The following VWA3B variants were observed in gnomAD, a reference collection of about 807,000 sequenced individuals.
VWA3B encodes the protein von Willebrand factor A domain containing 3B, also known as von Willebrand factor A domain-containing protein 3B.
In VWA3B, 138 loss-of-function variants were observed where a neutral mutation model predicts 158.3. The ratio of observed to expected loss-of-function variants is 0.87; its 90% confidence interval spans 0.76 to 1.00. The LOEUF is 1.00. Among genes scored for constraint, VWA3B ranks in the 50% least tolerant of loss-of-function variants. The pLI, the probability that VWA3B is intolerant of heterozygous loss-of-function variation, is 0.00. For missense variants in VWA3B, 1,555 were observed against 1,565.1 expected (o/e 0.99, Z 0.11); for synonymous variants, 596 against 587.3 (o/e 1.01, Z -0.21).
chr2:98,289,624 T>C lies in VWA3B; in HGVS notation c.3046-887T>C, dbSNP rs1408697879. Among the ~76,000 whole-genome samples, 31 of 152,210 alleles carry C rather than the reference T, an allele frequency of 2.0e-4. 1 individual carries two copies. Among genetic ancestry groups the C allele is most frequent in the Admixed American group, 2.0e-3 (31 of 15,278 alleles). ...GACAGCGATCATAAAGGTTCTCCTTTGTCCTGAAGAGGTGGGCTGGGATAT... is the reference window on the plus strand; with the variant it reads ...GACAGCGATCATAAAGGTTCTCCTTCGTCCTGAAGAGGTGGGCTGGGATAT... On this transcript the variant is annotated intron_variant, in intron 22 of 27. Transcript: ENST00000477737.
intron 23 of VWA3B, chr2:98,290,839 T>C: frequency 2.2e-6 from 1 of 459,356 alleles, no homozygotes; most frequent in Non-Finnish European, 3.9e-6. Flanking sequence ...ATGCACTTAT[T>C]TTAATTTCTC....
chr2:98,288,422 G>A (rs1354078375), intron 22 of VWA3B, among the ~76,000 whole-genome samples: 1 of 152,134 alleles, frequency 6.6e-6, no homozygotes, highest in African/African-American at 2.4e-5. Flanking sequence ...GGTAATCTGG[G>A]ACTTGGGCAA....
At chr2:98,194,097 T>C (rs1045964607) in intron 11 of VWA3B, among the ~76,000 whole-genome samples, 7 of 152,208 alleles carry the variant, frequency 4.6e-5, no homozygotes, top group African/African-American at 1.7e-4. Context: ...ACATTATATA[T>C]ATAAACTTTT....
rs577009427 is a variant in VWA3B, at chr2:98,116,748, C to T, written c.291+1002C>T. On this transcript the variant is annotated intron_variant, in intron 3 of 27. Coordinates refer to ENST00000477737, the MANE Select transcript of VWA3B (RefSeq NM_144992.5). ...CTTGAACTCCTAAGCTCAAGCAATC[C>T]GCCTGCCTGGGCCTCCCATCTGCCT... is the stretch of plus-strand genomic sequence containing the variant. Among the ~76,000 whole-genome samples, 88 of 152,312 alleles carry T rather than the reference C, an allele frequency of 5.8e-4. No homozygotes were observed. In the South Asian group the frequency reaches 0.013, roughly 22 times the overall value.
intron 8 of VWA3B, among the ~76,000 whole-genome samples, chr2:98,178,292 A>G (rs760234615): frequency 6.6e-6 from 1 of 152,184 alleles, no homozygotes; most frequent in Non-Finnish European, 1.5e-5. Context: ...CTTTTGATGC[A>G]AGGTTGGTTT....
rs1198884738 is a variant in VWA3B at position 98,128,060 on chromosome 2, G to A, written c.703-179G>A. 4 of 665,482 alleles carry A rather than the reference G, an allele frequency of 6.0e-6. No homozygotes were observed. The East Asian group carries it at 1.0e-4, about 17-fold the overall frequency. The allele number at this position is 665,482 out of a possible 1,614,324, so 41.2% of individuals were successfully genotyped here. A position where few individuals can be genotyped will look rare whatever the true frequency, so the allele number is the denominator to read the frequency against. The stretch of plus-strand genomic sequence containing the variant: ...TGTTGACAGACCTTCCTGGTACCAA[G>A]CCTTGAATATCTCACTTCCTGACTG... On this transcript the variant is annotated intron_variant, in intron 5 of 27. Coordinates refer to ENST00000477737, the MANE Select transcript of VWA3B (RefSeq NM_144992.5).
chr2:98,174,667 A>T (rs534143376), intron 8 of VWA3B, among the ~76,000 whole-genome samples: 2 of 152,268 alleles, frequency 1.3e-5, no homozygotes, highest in Admixed American at 1.3e-4. Flanking sequence ...TATTCCTGGG[A>T]ATCTATCATG....
chr2:98,167,959 C>A (rs1679230330), intron 8 of VWA3B, among the ~76,000 whole-genome samples: 1 of 152,164 alleles, frequency 6.6e-6, no homozygotes, highest in Non-Finnish European at 1.5e-5. Flanking sequence ...ATGAAAAGAA[C>A]AAACTATTTC....
In VWA3B at chr2:98,210,157, C is replaced by A. The variant is rs1277358434; in HGVS notation, c.1738-1773C>A. On this transcript the variant is annotated intron_variant, in intron 12 of 27. Coordinates refer to ENST00000477737, the MANE Select transcript of VWA3B (RefSeq NM_144992.5). ...AACATTACTCCCATCGTTTTCCTGG[C>A]CCCTCTCCTCCTATGGGCTTTACAG... Among the ~76,000 whole-genome samples, 3 of 152,172 alleles carry A rather than the reference C, an allele frequency of 2.0e-5. No homozygotes were observed. The East Asian group carries it at 5.8e-4, about 29-fold the overall frequency.
At position 98,256,272 on chromosome 2, in the gene VWA3B, A is replaced by G. The variant is rs1687137924; in HGVS notation, c.2843+98A>G. 4 of 1,335,514 alleles carry G rather than the reference A, an allele frequency of 3.0e-6. No homozygotes were observed. In the Admixed American group the frequency reaches 9.2e-5, roughly 31 times the overall value. 82.7% of individuals were successfully genotyped at this position (1,335,514 alleles called of 1,614,324 possible). A position where few individuals can be genotyped will look rare whatever the true frequency, so the allele number is the denominator to read the frequency against. ...AGTGTACAATGCAGAGGTATTTAAA[A>G]TATTCAAAATGTTCTGCAAACCACT... On this transcript the variant is annotated intron_variant, in intron 21 of 27. Coordinates refer to ENST00000477737, the MANE Select transcript of VWA3B (RefSeq NM_144992.5).
downstream of VWA3B, among the ~76,000 whole-genome samples, chr2:98,314,643 C>T (rs1419066202): frequency 2.0e-5 from 3 of 152,160 alleles, no homozygotes; most frequent in African/African-American, 7.2e-5. Flanking sequence ...CATCATCCAA[C>T]AAGGTACAAT....
intron 12 of VWA3B, among the ~76,000 whole-genome samples, chr2:98,196,384 TTTTA>T (rs1400163507): frequency 3.9e-5 from 6 of 152,212 alleles, no homozygotes; most frequent in Admixed American, 2.0e-4. Context: ...ATATATACAA[TTTTA>T]TTTGTCAATT....
At position 98,230,174 on chromosome 2, in the gene VWA3B, C is replaced by G. The variant is rs763020533; in HGVS notation, c.2275C>G (p.Gln759Glu). Residue 759 changes from glutamine (Q) to glutamate (E), a missense_variant, in exon 16 of 28, where the codon CAA becomes GAA. Coordinates refer to ENST00000477737, the MANE Select transcript of VWA3B (RefSeq NM_144992.5). ...MLKGPWGLSD[Q>E]KVQKKKVLHA... is the part of the protein sequence containing the mutation. ...GAAGGGACCATGGGGCCTTTCAGAT[C>G]AAAAGGTTCAGAAAAAGAAAGTCCT... 2.5e-6 allele frequency: 4 copies of G among 1,589,122 alleles called. No individual in the cohort carries two copies. Among genetic ancestry groups the G allele is most frequent in the Non-Finnish European group, 2.6e-6 (3 of 1,173,358 alleles).
intron 13 of VWA3B, chr2:98,216,630 G>A (rs960725205): frequency 2.2e-6 from 1 of 450,422 alleles, no homozygotes; most frequent in African/African-American, 2.0e-5. Flanking sequence ...CTGCACAGCT[G>A]TTTAGACTCA....
chr2:98,321,038 G>T, the VWA3B span, among the ~76,000 whole-genome samples: 330 of 152,312 alleles, frequency 2.2e-3, 1 homozygote, highest in African/African-American at 7.4e-3. Flanking sequence ...TTCAAACAGG[G>T]TGCTCTGCAT....
intron 7 of VWA3B, among the ~76,000 whole-genome samples, chr2:98,161,285 A>C (rs963205166): frequency 6.6e-6 from 1 of 152,238 alleles, no homozygotes; most frequent in African/African-American, 2.4e-5. Context: ...TTAGGGTTGC[A>C]GTATACCCAG....
At chr2:98,320,961 C>T in the VWA3B span, among the ~76,000 whole-genome samples, 2 of 152,294 alleles carry the variant, frequency 1.3e-5, no homozygotes, top group East Asian at 3.9e-4. Context: ...CATCACAGGC[C>T]TAGAGGCGTA....
At chr2:98,293,077 G>A (rs537760642) in intron 23 of VWA3B, among the ~76,000 whole-genome samples, 12 of 152,194 alleles carry the variant, frequency 7.9e-5, no homozygotes, top group East Asian at 1.9e-4. Flanking sequence ...AGAATGGCTC[G>A]AACTTCTACC....
chr2:98,121,647 G>C (rs147114177), intron 5 of VWA3B, among the ~76,000 whole-genome samples, 189 bp downstream of exon 5: 1 of 152,064 alleles, frequency 6.6e-6, no homozygotes. Context: ...CTGAATACCC[G>C]TCTCCTGAAC....
Sources: allele counts gnomAD v4.1 joint callset (sites outside exome capture counted in the v4.1 genomes callset), GRCh38; gene constraint gnomAD v4.1.1; transcripts MANE v1.5; gene names NCBI Gene and HGNC (gene_info 2026-07-23, HGNC 2026-07-21).